RSU1: variants seen among roughly 807,000 people sequenced by gnomAD.
RSU1 encodes the protein Ras suppressor protein 1, also known as rsu-1.
RSU1 carries 26 observed loss-of-function variants against 31.1 expected under a neutral mutation model. The observed-to-expected ratio is 0.84, with a 90% confidence interval of 0.61 to 1.16. The LOEUF is 1.16. RSU1 is among the 50% of genes most tolerant of loss of function. The probability of loss-of-function intolerance (pLI) is 0.00; values close to 1 mark genes in which losing one functional copy is unlikely to be tolerated. For missense variants in RSU1, 320 were observed against 339.1 expected (o/e 0.94, Z 0.44); for synonymous variants, 164 against 136.3 (o/e 1.20, Z -1.41).
intron 6 of RSU1, 92 bp from the exon 7 acceptor site, chr10:16,752,745 G>T: frequency 1.8e-6 from 2 of 1,085,744 alleles, no homozygotes; most frequent in East Asian, 4.8e-5. Flanking sequence ...TTCTACTAAA[G>T]CTCAATCCTT....
intron 8 of RSU1, among the ~76,000 whole-genome samples, chr10:16,604,887 C>T (rs926091441): frequency 6.6e-6 from 1 of 152,074 alleles, no homozygotes. Context: ...GAGCTCAAAC[C>T]GCGTGGGAAG....
In RSU1 at chr10:16,726,501, G is replaced by A. The variant is rs912000220; in HGVS notation, c.598+26038C>T. Among the ~76,000 whole-genome samples, 5 of 151,946 alleles carry A rather than the reference G, an allele frequency of 3.3e-5. No individual in the cohort carries two copies. The South Asian group carries it at 6.2e-4, about 19-fold the overall frequency. ...AGGATGGTCCCGATATCTTGACCTC[G>A]TGATCCACCCATCTCGGCCTCCCAA... On this transcript the variant is annotated intron_variant, in intron 7 of 8. Coordinates refer to ENST00000345264, the MANE Select transcript of RSU1 (RefSeq NM_012425.4).
At chr10:16,676,243 T>C (rs1298040951) in intron 8 of RSU1, among the ~76,000 whole-genome samples, 1 of 152,192 alleles carries the variant, frequency 6.6e-6, no homozygotes, top group Non-Finnish European at 1.5e-5. Context: ...AAACTTCTTA[T>C]GAAGAAAAAG....
chr10:16,750,812 G>C (rs535673512), intron 7 of RSU1, among the ~76,000 whole-genome samples: 7 of 151,776 alleles, frequency 4.6e-5, no homozygotes, highest in Non-Finnish European at 7.4e-5. Context: ...AAGCTCCCCA[G>C]CTATTACTTA....
intron 2 of RSU1, among the ~76,000 whole-genome samples, chr10:16,803,048 G>T (rs886773826): frequency 2.0e-5 from 3 of 152,092 alleles, no homozygotes; most frequent in Admixed American, 1.3e-4. Flanking sequence ...GTAAGAAAAA[G>T]CAGCAAAATG....
chr10:16,785,406 C>CATATATACA (rs1554774655), intron 2 of RSU1, among the ~76,000 whole-genome samples: 9 of 85,326 alleles, frequency 1.1e-4, no homozygotes, highest in Non-Finnish European at 1.4e-4. Context: ...CTCTATCTTT[C>CATATATACA]TATATATATA....
At chr10:16,694,990 G>C (rs1835643280) in intron 8 of RSU1, 33 bp downstream of exon 8, 1 of 1,579,698 alleles carries the variant, frequency 6.3e-7, no homozygotes, top group Non-Finnish European at 8.6e-7. Context: ...TAAAATCACA[G>C]TCTACTATTT....
At chr10:16,691,065 G>A (rs1327665068) in intron 8 of RSU1, among the ~76,000 whole-genome samples, 1 of 151,916 alleles carries the variant, frequency 6.6e-6, no homozygotes, top group Non-Finnish European at 1.5e-5. Context: ...AAAAACTAAG[G>A]CAATGAATGT....
intron 2 of RSU1, among the ~76,000 whole-genome samples, chr10:16,815,282 C>A (rs1204560754): frequency 2.0e-5 from 3 of 152,254 alleles, no homozygotes; most frequent in African/African-American, 2.4e-5. Context: ...CACGTATTTT[C>A]ATAAAGCCTA....
chr10:16,703,572 T>A (rs984094156), intron 7 of RSU1, among the ~76,000 whole-genome samples: 1 of 152,126 alleles, frequency 6.6e-6, no homozygotes, highest in Non-Finnish European at 1.5e-5. Flanking sequence ...GGTTCATAAT[T>A]ATGAGACACT....
intron 8 of RSU1, among the ~76,000 whole-genome samples, chr10:16,689,905 AT>A (rs1284093731): frequency 6.6e-6 from 1 of 152,234 alleles, no homozygotes; most frequent in Admixed American, 6.5e-5. Context: ...TGCTTGGCAA[AT>A]TGCAGTTTTC....
intron 7 of RSU1, chr10:16,723,015 TAC>T (rs1299856974): frequency 6.6e-6 from 1 of 150,586 alleles, no homozygotes; most frequent in Non-Finnish European, 1.5e-5. Flanking sequence ...GACACAAACA[TAC>T]ACACATATAT....
intron 8 of RSU1, among the ~76,000 whole-genome samples, chr10:16,617,560 G>A (rs893205417): frequency 7.9e-5 from 12 of 152,170 alleles, no homozygotes; most frequent in African/African-American, 2.9e-4. Context: ...CAAAGCTGGA[G>A]GCATCATGCT....
intron 3 of RSU1, among the ~76,000 whole-genome samples, chr10:16,770,209 G>A (rs958828381): frequency 8.5e-5 from 13 of 152,148 alleles, no homozygotes; most frequent in East Asian, 5.8e-4. Flanking sequence ...AATCAAAGCC[G>A]TAAGGAGCGA....
chr10:16,767,181 T>G (rs1837330767), intron 3 of RSU1: 4 of 152,190 alleles, frequency 2.6e-5, no homozygotes, highest in Admixed American at 1.3e-4. Context: ...CTTCATCTGA[T>G]TAGTTTGAAG....
intron 8 of RSU1, among the ~76,000 whole-genome samples, chr10:16,600,609 C>T (rs974702877): frequency 6.6e-5 from 10 of 151,106 alleles, no homozygotes; most frequent in Admixed American, 5.9e-4. Flanking sequence ...CTCTGTCACC[C>T]AGGAATGCAG....
intron 7 of RSU1, among the ~76,000 whole-genome samples, chr10:16,744,131 CAAA>C (rs199565122): frequency 3.5e-5 from 4 of 114,952 alleles, no homozygotes; most frequent in Admixed American, 9.3e-5. Flanking sequence ...GACTCTGTCT[CAAA>C]AAAAAAAAAA....
chr10:16,805,539 T>A (rs536347147), intron 2 of RSU1, among the ~76,000 whole-genome samples: 6 of 149,746 alleles, frequency 4.0e-5, no homozygotes, highest in Non-Finnish European at 7.4e-5. Context: ...AGCCAGGCGT[T>A]GTGGCGGGCG....
At chr10:16,715,811 AGGGT>A (rs923616044) in intron 7 of RSU1, among the ~76,000 whole-genome samples, 21 of 152,202 alleles carry the variant, frequency 1.4e-4, no homozygotes, top group African/African-American at 5.1e-4. Context: ...TATGAACTTT[AGGGT>A]GGGATTTTCT....
Sources: allele counts gnomAD v4.1 joint callset (sites outside exome capture counted in the v4.1 genomes callset), GRCh38; gene constraint gnomAD v4.1.1; transcripts MANE v1.5; gene names NCBI Gene and HGNC (gene_info 2026-07-23, HGNC 2026-07-21).